The following PRH1 variants were observed in gnomAD, a reference collection of about 807,000 sequenced individuals.
The protein encoded by PRH1 is salivary acidic proline-rich phosphoprotein 1/2.
In PRH1, 7 loss-of-function variants were observed where a neutral mutation model predicts 7.9. That is an observed-to-expected ratio of 0.89 (90% CI 0.50 to 1.67). The LOEUF (loss-of-function observed/expected upper bound fraction) is 1.67, where lower values mean the gene tolerates loss of function less well. Among genes scored for constraint, PRH1 ranks in the 40% most tolerant of loss-of-function variants. The pLI is 0.00. For synonymous variants in PRH1, 45 were observed against 80.8 expected (o/e 0.56, Z 2.38); for missense variants, 109 against 223.6 (o/e 0.49, Z 3.27).
intron 1 of PRH1, among the ~76,000 whole-genome samples, chr12:11,007,030 T>G (rs1472283652): frequency 6.6e-6 from 1 of 152,154 alleles, no homozygotes; most frequent in Non-Finnish European, 1.5e-5. Flanking sequence ...GTATTCAGCA[T>G]TTTCAGTTGT....
intron 2 of PRH1, among the ~76,000 whole-genome samples, chr12:10,905,844 T>C (rs551553098): frequency 6.6e-6 from 1 of 152,192 alleles, no homozygotes; most frequent in African/African-American, 2.4e-5. Context: ...GTTTCACTTA[T>C]AAATAGGAAC....
chr12:11,140,825 T>C (rs1308693947), intron 1 of PRH1, among the ~76,000 whole-genome samples: 3 of 152,116 alleles, frequency 2.0e-5, no homozygotes. Context: ...GACACATTGG[T>C]TGTATAGCCT....
intron 1 of PRH1, among the ~76,000 whole-genome samples, chr12:11,144,215 C>T (rs1317539172): frequency 6.7e-6 from 1 of 149,966 alleles, no homozygotes; most frequent in Non-Finnish European, 1.5e-5. Context: ...CAGGTGGGGG[C>T]AGGGCTAGGC....
At chr12:11,125,412 T>C (rs1204568590) in intron 1 of PRH1, among the ~76,000 whole-genome samples, 4 of 152,306 alleles carry the variant, frequency 2.6e-5, no homozygotes, top group Non-Finnish European at 2.9e-5. Flanking sequence ...AATAGCATCA[T>C]TAACAAGTTA....
intron 1 of PRH1, among the ~76,000 whole-genome samples, chr12:11,011,324 C>T (rs1941060577): frequency 6.6e-6 from 1 of 151,988 alleles, no homozygotes; most frequent in Non-Finnish European, 1.5e-5. Context: ...CAGGAAAGCA[C>T]CAGGGTGTGC....
intron 1 of PRH1, chr12:11,134,480 AACTG>A (rs1389865847): frequency 1.9e-5 from 10 of 523,304 alleles, no homozygotes; most frequent in Admixed American, 3.7e-5. Flanking sequence ...AATTCAAATT[AACTG>A]ACTCATTCAC....
intron 2 of PRH1, chr12:10,908,360 T>G: frequency 6.3e-7 from 1 of 1,588,946 alleles, no homozygotes; most frequent in South Asian, 1.2e-5. Flanking sequence ...ATCTGTGGTC[T>G]GAATGGCTTA....
chr12:10,997,003 A>G (rs1940284139), intron 1 of PRH1: 8 of 1,613,870 alleles, frequency 5.0e-6, no homozygotes, highest in Non-Finnish European at 6.8e-6. Flanking sequence ...ACAAAACTGA[A>G]AGAAAGGTCT....
At chr12:11,022,714 C>T (rs1941724036) in intron 1 of PRH1, 2 of 631,122 alleles carry the variant, frequency 3.2e-6, no homozygotes, top group Non-Finnish European at 5.5e-6. Context: ...TGTCAACAGG[C>T]AAGCACCAGC....
intron 2 of PRH1, chr12:10,964,491 T>G (rs1434592041): frequency 3.9e-6 from 1 of 258,188 alleles, no homozygotes; most frequent in Non-Finnish European, 8.2e-6. Context: ...AAGGTCTGTT[T>G]CAGCTTCTTG....
intron 1 of PRH1, chr12:10,986,786 G>A (rs539793363): frequency 1.2e-4 from 187 of 1,586,852 alleles, no homozygotes; most frequent in Non-Finnish European, 1.5e-4. Context: ...GTGCTATGAA[G>A]CCATTGGCAA....
intron 3 of PRH1, among the ~76,000 whole-genome samples, chr12:10,881,386 G>A (rs1028204143): frequency 3.9e-5 from 6 of 152,184 alleles, no homozygotes; most frequent in Admixed American, 2.6e-4. Context: ...TGTGAATCCA[G>A]CCTTAATATC....
At chr12:11,094,709 A>G (rs1232922493) in intron 1 of PRH1, among the ~76,000 whole-genome samples, 3 of 115,694 alleles carry the variant, frequency 2.6e-5, no homozygotes, top group South Asian at 2.3e-4. Flanking sequence ...AATAATTTCT[A>G]TATTTCTCCT....
chr12:10,958,414 A>G (rs747000661), intron 2 of PRH1, among the ~76,000 whole-genome samples: 2 of 152,114 alleles, frequency 1.3e-5, no homozygotes, highest in Non-Finnish European at 2.9e-5. Context: ...GAACAGAGAG[A>G]AGGAGGAGAG....
intron 2 of PRH1, among the ~76,000 whole-genome samples, chr12:10,954,654 C>T (rs1937864663): frequency 6.6e-6 from 1 of 150,950 alleles, no homozygotes; most frequent in Non-Finnish European, 1.5e-5. Flanking sequence ...TTGTTTTTTT[C>T]TTGATAGAGA....
intron 1 of PRH1, among the ~76,000 whole-genome samples, chr12:11,058,630 T>A (rs186705281): frequency 5.7e-4 from 87 of 152,420 alleles, no homozygotes; most frequent in Admixed American, 9.8e-4. Flanking sequence ...ATATAGGTTC[T>A]GATCCAAACT....
At chr12:11,144,159 A>G (rs1007348034) in intron 1 of PRH1, among the ~76,000 whole-genome samples, 6 of 152,064 alleles carry the variant, frequency 3.9e-5, no homozygotes, top group Middle Eastern at 3.2e-3. Flanking sequence ...TCCCAGAATT[A>G]TATACCCTTT....
chr12:11,004,669 A>G (rs1253002318), intron 1 of PRH1, among the ~76,000 whole-genome samples: 1 of 152,068 alleles, frequency 6.6e-6, no homozygotes, highest in Non-Finnish European at 1.5e-5. Context: ...ATTTGTTCAT[A>G]TTTCATTATT....
At chr12:10,925,520 G>A (rs546762474) in intron 2 of PRH1, among the ~76,000 whole-genome samples, 2 of 152,210 alleles carry the variant, frequency 1.3e-5, no homozygotes, top group African/African-American at 4.8e-5. Context: ...TATTAAGAAA[G>A]CACATAAAGG....
Sources: allele counts gnomAD v4.1 joint callset (sites outside exome capture counted in the v4.1 genomes callset), GRCh38; gene constraint gnomAD v4.1.1; transcripts MANE v1.5; gene names NCBI Gene and HGNC (gene_info 2026-07-23, HGNC 2026-07-21).